Variants in ZRANB1 observed in about 807,000 individuals in gnomAD.
ZRANB1 encodes ubiquitin thioesterase ZRANB1.
Under a neutral mutation model 80.5 loss-of-function variants are expected in ZRANB1, and 16 were observed. The ratio of observed to expected loss-of-function variants is 0.20; its 90% confidence interval spans 0.13 to 0.30. ZRANB1 has a LOEUF of 0.30. Among genes scored for constraint, ZRANB1 ranks in the 10% least tolerant of loss-of-function variants. The probability of loss-of-function intolerance (pLI) is 1.00; values close to 1 mark genes in which losing one functional copy is unlikely to be tolerated. For synonymous variants in ZRANB1, 291 were observed against 293.1 expected, an observed-to-expected ratio of 0.99 and a Z score of 0.07; for missense variants, 576 against 862.6, an observed-to-expected ratio of 0.67 and a Z score of 4.16.
upstream of ZRANB1, chr10:124,940,650 C>T: frequency 4.5e-6 from 3 of 663,870 alleles, no homozygotes; most frequent in South Asian, 3.3e-5. Context: ...ATGGACTTGG[C>T]AGGCAGGAAC....
At chr10:124,945,110 A>G (rs1951569103) in intron 1 of ZRANB1, 1 of 152,186 alleles carries the variant, frequency 6.6e-6, no homozygotes, top group South Asian at 2.1e-4. Context: ...ATAAAAATTC[A>G]CCGTTTTGCA....
intron 1 of ZRANB1, among the ~76,000 whole-genome samples, chr10:124,950,760 G>A (rs573555659): frequency 8.7e-4 from 133 of 152,202 alleles, no homozygotes; most frequent in African/African-American, 2.7e-3. Context: ...GGGGAGGATC[G>A]TTTCAGCCTA....
At chr10:124,917,333 G>C in the ZRANB1 span, 136 of 150,664 alleles carry the variant, frequency 9.0e-4, 1 homozygote, top group Non-Finnish European at 7.9e-4. Context: ...CCCAGGCGGC[G>C]CCCAGGTTGC....
In ZRANB1 at chr10:124,966,584, CT is replaced by C. The variant is rs756585376; in HGVS notation, c.815-8del. 23 of 1,606,022 alleles carry C rather than the reference CT, an allele frequency of 1.4e-5. No individual in the cohort carries two copies. The highest frequency in any genetic ancestry group is 1.9e-5 in the Non-Finnish European group (22 of 1,173,998). ...AATTAAATGCTTTTCTATCTTGATG[CT>C]TGTTTTAGGGGTTGTAGAAGGTGAT... On this transcript the variant is annotated splice_polypyrimidine_tract_variant and intron_variant, in intron 1 of 8. Transcript: ENST00000359653.
At chr10:124,962,370 A>C in intron 1 of ZRANB1, 1 of 985,398 alleles carries the variant, frequency 1.0e-6, no homozygotes, top group Non-Finnish European at 1.2e-6. Context: ...GCTACCATAG[A>C]ACTCCAGGGT....
At chr10:124,978,667 C>G (rs145048681) in intron 5 of ZRANB1, among the ~76,000 whole-genome samples, 2,163 of 152,154 alleles carry the variant, frequency 0.014, 29 homozygotes, top group Non-Finnish European at 0.019. Flanking sequence ...GGTCTGTTGC[C>G]TGGACTGGAG....
the ZRANB1 span, among the ~76,000 whole-genome samples, chr10:124,931,231 G>A: frequency 2.0e-5 from 3 of 152,072 alleles, no homozygotes; most frequent in African/African-American, 7.2e-5. Context: ...ACCATACCGG[G>A]CTAACTTTAT....
At chr10:124,968,324 C>A (rs1003580792) in intron 2 of ZRANB1, among the ~76,000 whole-genome samples, 1 of 152,046 alleles carries the variant, frequency 6.6e-6, no homozygotes, top group Non-Finnish European at 1.5e-5. Context: ...TTCAAATTTG[C>A]CAATATTTGG....
chr10:124,957,176 T>G (rs1740463058), intron 1 of ZRANB1, among the ~76,000 whole-genome samples: 1 of 152,112 alleles, frequency 6.6e-6, no homozygotes, highest in African/African-American at 2.4e-5. Context: ...GCACCTGTTT[T>G]TTTTTTTTTA....
the ZRANB1 span, among the ~76,000 whole-genome samples, chr10:124,917,876 C>G: frequency 6.6e-6 from 1 of 152,126 alleles, no homozygotes; most frequent in African/African-American, 2.4e-5. Context: ...TGTTTTTTCT[C>G]TGCTATGGTT....
At chr10:124,955,611 T>C (rs1472196783) in intron 1 of ZRANB1, among the ~76,000 whole-genome samples, 1 of 152,240 alleles carries the variant, frequency 6.6e-6, no homozygotes, top group East Asian at 1.9e-4. Context: ...GTGGGTTTAC[T>C]TCCTGTCCAA....
the ZRANB1 span, among the ~76,000 whole-genome samples, chr10:124,926,447 A>G: frequency 1.3e-5 from 2 of 152,174 alleles, no homozygotes; most frequent in Non-Finnish European, 2.9e-5. Context: ...AAACTAGGAC[A>G]CACGTTAGCT....
the ZRANB1 span, among the ~76,000 whole-genome samples, chr10:124,918,927 T>C: frequency 6.6e-6 from 1 of 152,174 alleles, no homozygotes; most frequent in African/African-American, 2.4e-5. Context: ...CTGAGTGTCA[T>C]GAGGGATTTT....
At chr10:124,917,951 G>A in the ZRANB1 span, among the ~76,000 whole-genome samples, 3 of 152,284 alleles carry the variant, frequency 2.0e-5, no homozygotes, top group East Asian at 1.9e-4. Flanking sequence ...CAAGGGACAG[G>A]CAGTTTAGGT....
chr10:124,984,713 T>A (rs1951994457), intron 8 of ZRANB1, 61 bp from the exon 9 acceptor site: 2 of 1,538,234 alleles, frequency 1.3e-6, no homozygotes, highest in South Asian at 2.4e-5. Context: ...CCATGTCACA[T>A]TCCTACCAAG....
chr10:124,941,041 C>T (rs1380369421), upstream of ZRANB1, among the ~76,000 whole-genome samples: 1 of 151,598 alleles, frequency 6.6e-6, no homozygotes, highest in African/African-American at 2.4e-5. Flanking sequence ...AAGATTTAAC[C>T]CTCTAGGTTC....
chr10:124,917,749 A>G, the ZRANB1 span, among the ~76,000 whole-genome samples: 6 of 152,114 alleles, frequency 3.9e-5, no homozygotes, highest in South Asian at 1.2e-3. Flanking sequence ...TCCAGTTGCC[A>G]TTTGTAGGAA....
At chr10:124,926,921 G>A in the ZRANB1 span, among the ~76,000 whole-genome samples, 211 of 152,170 alleles carry the variant, frequency 1.4e-3, 1 homozygote, top group Non-Finnish European at 2.3e-3. Flanking sequence ...GTCTGTCTTC[G>A]ATTGACACAT....
chr10:124,942,718 G>C lies in ZRANB1; in HGVS notation c.225G>C (p.Arg75Ser), dbSNP rs751822848. The C allele has an allele frequency of 1.2e-6, 2 of 1,614,158 alleles. No individual in the cohort carries two copies. The highest frequency in any genetic ancestry group is 8.5e-7 in the Non-Finnish European group (1 of 1,180,028). The change falls in exon 1 of 9, where the codon AGG becomes AGC. Residue 75 changes from arginine (R) to serine (S), a missense_variant. Physicochemically the swap from Arg to Ser is moderately radical, Grantham distance 110 (BLOSUM62 -1). This residue lies in a region of ZRANB1 where 411 missense variants were observed against 583.1 expected (regional missense o/e 0.70). Transcript: ENST00000359653. ...LICPDSSARP[R>S]VKSSYSMENA... Reference sequence around the variant, plus strand: ...GTCCAGACTCTAGTGCAAGACCAAGGGTGAAATCTTCGTATAGCATGGAAA... The same window carrying C: ...GTCCAGACTCTAGTGCAAGACCAAGCGTGAAATCTTCGTATAGCATGGAAA...
Sources: allele counts gnomAD v4.1 joint callset (sites outside exome capture counted in the v4.1 genomes callset), GRCh38; gene constraint gnomAD v4.1.1; regional missense constraint gnomAD v4.1.1; transcripts MANE v1.5; gene names NCBI Gene and HGNC (gene_info 2026-07-23, HGNC 2026-07-21).